Variants in PDE3A observed in about 807,000 individuals in gnomAD.
PDE3A encodes phosphodiesterase 3A.
In PDE3A, 43 loss-of-function variants were observed where a neutral mutation model predicts 98.3. The observed-to-expected ratio is 0.44, with a 90% CI of 0.34 to 0.56. The LOEUF (loss-of-function observed/expected upper bound fraction) is 0.56, where lower values mean the gene tolerates loss of function less well. Ranked by LOEUF, PDE3A falls within the 20% of genes least tolerant of loss-of-function variation. The probability of loss-of-function intolerance (pLI) is 0.01; values close to 1 mark genes in which losing one functional copy is unlikely to be tolerated. For missense variants in PDE3A, 1,427 were observed against 1,440.7 expected, an observed-to-expected ratio of 0.99 and a Z score of 0.15; for synonymous variants, 663 against 567.9, an observed-to-expected ratio of 1.17 and a Z score of -2.38.
At chr12:20,477,086 C>G (rs1240521864) in intron 1 of PDE3A, among the ~76,000 whole-genome samples, 1 of 152,124 alleles carries the variant, frequency 6.6e-6, no homozygotes, top group African/African-American at 2.4e-5. Context: ...ATACTCACTG[C>G]TAAGCCATAT....
At chr12:20,527,747 T>C (rs2121174846) in intron 1 of PDE3A, among the ~76,000 whole-genome samples, 1 of 152,304 alleles carries the variant, frequency 6.6e-6, no homozygotes, top group South Asian at 2.1e-4. Context: ...CCCAGTCTCT[T>C]GAATAAAGGT....
At chr12:20,607,319 A>G (rs1375611315) in intron 2 of PDE3A, among the ~76,000 whole-genome samples, 1 of 151,534 alleles carries the variant, frequency 6.6e-6, no homozygotes, top group Non-Finnish European at 1.5e-5. Context: ...AGTCTCTAGT[A>G]TCAGCTGCTA....
intron 1 of PDE3A, among the ~76,000 whole-genome samples, chr12:20,529,753 G>A (rs150934535): frequency 1.3e-5 from 2 of 152,172 alleles, no homozygotes; most frequent in African/African-American, 4.8e-5. Flanking sequence ...CTAGAACTGT[G>A]AGATAATAAA....
intron 1 of PDE3A, among the ~76,000 whole-genome samples, chr12:20,412,110 G>A (rs1012772103): frequency 5.3e-5 from 8 of 152,098 alleles, no homozygotes; most frequent in South Asian, 2.1e-4. Context: ...TTAGTTACAC[G>A]TGTAATTTTA....
At chr12:20,421,904 C>T (rs967067166) in intron 1 of PDE3A, among the ~76,000 whole-genome samples, 19 of 152,166 alleles carry the variant, frequency 1.2e-4, no homozygotes, top group African/African-American at 4.6e-4. Context: ...TGATTTGGCT[C>T]AGGCTGTGTT....
At chr12:20,515,772 G>T (rs914466325) in intron 1 of PDE3A, among the ~76,000 whole-genome samples, 1 of 149,460 alleles carries the variant, frequency 6.7e-6, no homozygotes, top group Non-Finnish European at 1.5e-5. Flanking sequence ...TCGCTCTGTC[G>T]CCCAGGCTGG....
intron 1 of PDE3A, among the ~76,000 whole-genome samples, chr12:20,404,976 A>C (rs185159882): frequency 6.6e-6 from 1 of 151,688 alleles, no homozygotes; most frequent in Non-Finnish European, 1.5e-5. Flanking sequence ...TGCTACCTTT[A>C]TTTCTTCCCC....
At chr12:20,407,598 T>C (rs1944255260) in intron 1 of PDE3A, among the ~76,000 whole-genome samples, 1 of 152,164 alleles carries the variant, frequency 6.6e-6, no homozygotes, top group Non-Finnish European at 1.5e-5. Flanking sequence ...GTTTATTAGA[T>C]TGGATTAGAT....
chr12:20,610,269 A>C (rs147912260), intron 2 of PDE3A, among the ~76,000 whole-genome samples: 166 of 152,180 alleles, frequency 1.1e-3, no homozygotes, highest in African/African-American at 3.8e-3. Context: ...GAAGACATGA[A>C]AGTGGCCAAC....
At chr12:20,402,889 G>C (rs1324934500) in intron 1 of PDE3A, among the ~76,000 whole-genome samples, 2 of 152,006 alleles carry the variant, frequency 1.3e-5, no homozygotes, top group Non-Finnish European at 2.9e-5. Context: ...GGGTCTGCTT[G>C]GGTACCAGTA....
intron 2 of PDE3A, among the ~76,000 whole-genome samples, chr12:20,595,974 A>G (rs1189256278): frequency 1.3e-5 from 2 of 152,142 alleles, no homozygotes; most frequent in East Asian, 3.9e-4. Context: ...TTATTTTCAG[A>G]AAAAAACATA....
intron 1 of PDE3A, among the ~76,000 whole-genome samples, chr12:20,537,211 T>C (rs1242937660): frequency 6.6e-6 from 1 of 152,118 alleles, no homozygotes; most frequent in African/African-American, 2.4e-5. Flanking sequence ...TTTGGAGAAA[T>C]GTCTATTTAA....
chr12:20,482,093 A>G (rs150253604), intron 1 of PDE3A, among the ~76,000 whole-genome samples: 347 of 152,196 alleles, frequency 2.3e-3, no homozygotes, highest in African/African-American at 8.1e-3. Context: ...AAGGTCCCCA[A>G]GTAATTTTCT....
In PDE3A at chr12:20,684,105, T is replaced by TA. The variant is rs1234172909; in HGVS notation, c.*3834_*3835insA. On this transcript the variant is annotated 3_prime_UTR_variant, in exon 16 of 16. Transcript: ENST00000359062. ...AAGTCTAAAGTTTGAAATTATTAAT[T>TA]TATAAAAGTGAACTAATTGTGTGAT... 3.3e-5 allele frequency: 5 copies of TA among 152,126 alleles called. No homozygotes were observed. Among genetic ancestry groups the TA allele is most frequent in the Admixed American group, 6.6e-5 (1 of 15,262 alleles). The allele number at this position is 152,126 out of a possible 1,614,324, so 9.4% of individuals were successfully genotyped here. A position where few individuals can be genotyped will look rare whatever the true frequency, so the allele number is the denominator to read the frequency against.
chr12:20,417,835 A>T (rs1944447647), intron 1 of PDE3A, among the ~76,000 whole-genome samples: 2 of 152,210 alleles, frequency 1.3e-5, no homozygotes, highest in African/African-American at 4.8e-5. Flanking sequence ...GAGTTTTGTT[A>T]TACGTATTAA....
At chr12:20,526,146 A>G (rs940566548) in intron 1 of PDE3A, among the ~76,000 whole-genome samples, 8 of 152,302 alleles carry the variant, frequency 5.3e-5, no homozygotes, top group African/African-American at 1.9e-4. Flanking sequence ...TGGACATCAC[A>G]CTTGAGGGGT....
At chr12:20,677,852 C>T (rs1010205297) in intron 15 of PDE3A, among the ~76,000 whole-genome samples, 3 of 152,060 alleles carry the variant, frequency 2.0e-5, no homozygotes, top group African/African-American at 7.2e-5. Context: ...AGCATAGTCT[C>T]TATGATTTAT....
chr12:20,376,842 G>A (rs942547012), intron 1 of PDE3A, among the ~76,000 whole-genome samples: 4 of 151,730 alleles, frequency 2.6e-5, no homozygotes, highest in Admixed American at 6.6e-5. Context: ...TTACCATTTC[G>A]AAGATGGAAA....
At chr12:20,393,086 G>T (rs1392648484) in intron 1 of PDE3A, among the ~76,000 whole-genome samples, 2 of 151,990 alleles carry the variant, frequency 1.3e-5, no homozygotes, top group East Asian at 3.9e-4. Flanking sequence ...ATAGTTAACA[G>T]TAATTTATTT....
Sources: gnomAD v4.1 joint callset for allele counts (sites outside exome capture counted in the v4.1 genomes callset) on GRCh38, gnomAD v4.1.1 for gene constraint, MANE v1.5 for transcripts, NCBI Gene and HGNC (gene_info 2026-07-23, HGNC 2026-07-21) for gene names.